Variants in TRPM5 observed in about 807,000 individuals in gnomAD.
TRPM5 encodes the protein MLSN1 and TRP-related.
TRPM5 carries 121 observed loss-of-function variants against 124.9 expected under a neutral mutation model. The observed-to-expected ratio is 0.97, with a 90% CI of 0.84 to 1.13. The LOEUF (loss-of-function observed/expected upper bound fraction) is 1.13, where lower values mean the gene tolerates loss of function less well. Among genes scored for constraint, TRPM5 ranks in the 50% most tolerant of loss-of-function variants. TRPM5 has a pLI of 0.00. For synonymous variants in TRPM5, 781 were observed against 700.5 expected, an observed-to-expected ratio of 1.11 and a Z score of -1.81; for missense variants, 1,643 against 1,589.1, an observed-to-expected ratio of 1.03 and a Z score of -0.58.
At chr11:2,406,256 G>A in intron 21 of TRPM5, 165 bp from the exon 27 acceptor site, 2 of 721,750 alleles carry the variant, frequency 2.8e-6, no homozygotes, top group Non-Finnish European at 2.4e-6. Context: ...ACCCCTCAAA[G>A]TGCACCTGGT....
the TRPM5 span, among the ~76,000 whole-genome samples, chr11:2,441,940 C>T: frequency 1.3e-5 from 2 of 152,106 alleles, no homozygotes; most frequent in African/African-American, 2.4e-5. This position sits in a 1 kb window ranked among gnomAD's most constrained non-coding sequence, Gnocchi z 7.2. Context: ...CAGCCTGCCT[C>T]GGCCTCCCAA....
intron 7 of TRPM5, 77 bp from the exon 13 acceptor site, chr11:2,416,101 G>T (rs553824475): frequency 1.5e-4 from 164 of 1,102,870 alleles, no homozygotes; most frequent in Admixed American, 1.2e-3. Flanking sequence ...GTCCCCAAAG[G>T]TGCGCTGCCT....
At chr11:2,442,112 C>T in the TRPM5 span, among the ~76,000 whole-genome samples, 861 of 152,280 alleles carry the variant, frequency 5.7e-3, 5 homozygotes, top group Non-Finnish European at 8.1e-3. This position sits in a 1 kb window ranked among gnomAD's most constrained non-coding sequence, Gnocchi z 5.9. Context: ...ATCATGAATG[C>T]ATGGGCTTTT....
At chr11:2,413,293 G>T (rs189104414) in intron 13 of TRPM5, 67 bp from the exon 19 acceptor site, 9 of 1,444,148 alleles carry the variant, frequency 6.2e-6, no homozygotes, top group Non-Finnish European at 7.4e-6. Context: ...GGCTCCAGGC[G>T]CTTGGCCATC....
At chr11:2,423,382 T>C (rs1003677921), upstream of TRPM5, among the ~76,000 whole-genome samples, 9 of 152,228 alleles carry the variant, frequency 5.9e-5, no homozygotes, top group Non-Finnish European at 1.2e-4. Context: ...CCTGCAGACA[T>C]TTCTCCAGAG....
exon 1 of TRPM5, chr11:2,422,943 C>G (rs1023893358): frequency 1.9e-6 from 3 of 1,613,376 alleles, no homozygotes; most frequent in East Asian, 2.2e-5. Context: ...TTCCCAGACC[C>G]TCCAAAGTTG....
Position 2,406,870 on chromosome 11 carries a change from C to A in TRPM5, c.3119-77G>T, listed in dbSNP as rs560541515. Reference sequence around the variant, plus strand: ...GCAGAGCCCAGGCCTGGTCCCGGGGCGAGGTGGGCCAGGCAGAAGGAGTGA... The same window carrying A: ...GCAGAGCCCAGGCCTGGTCCCGGGGAGAGGTGGGCCAGGCAGAAGGAGTGA... On this transcript the variant is annotated intron_variant, in intron 20 of 23. Coordinates refer to ENST00000155858, the Ensembl canonical transcript of TRPM5. The A allele has an allele frequency of 6.7e-4, 1,031 of 1,534,426 alleles. 5 individuals carry two copies. The highest frequency in any genetic ancestry group is 5.4e-4 in the Non-Finnish European group (618 of 1,142,760).
At chr11:2,425,799 GCCATGAC>G (rs1255583591), upstream of TRPM5, among the ~76,000 whole-genome samples, 1 of 152,184 alleles carries the variant, frequency 6.6e-6, no homozygotes, top group Non-Finnish European at 1.5e-5. Flanking sequence ...TTGGGGTTTG[GCCATGAC>G]CCTCAGCCTG....
intron 19 of TRPM5, 147 bp from the exon 25 acceptor site, chr11:2,407,447 A>AG (rs1850346893): frequency 2.5e-6 from 2 of 798,960 alleles, no homozygotes; most frequent in African/African-American, 3.5e-5. Context: ...GTGTGTCACG[A>AG]GGGGTCCACT....
At chr11:2,417,886 C>A in intron 6 of TRPM5, 57 bp from the exon 12 acceptor site, 1 of 1,487,250 alleles carries the variant, frequency 6.7e-7, no homozygotes, top group Non-Finnish European at 9.2e-7. Context: ...GGGGCAGAGG[C>A]AGGCCGTGGT....
upstream of TRPM5, among the ~76,000 whole-genome samples, chr11:2,425,444 G>A (rs577087380): frequency 4.6e-5 from 7 of 152,278 alleles, no homozygotes; most frequent in South Asian, 1.2e-3. Context: ...GCCCAGGCCC[G>A]CCCTACCCCA....
Position 2,414,066 on chromosome 11 carries a change from C to A in TRPM5, c.1885G>T (p.Val629Phe), listed in dbSNP as rs530691692. The A allele has an allele frequency of 2.8e-5, 40 of 1,416,174 alleles. No homozygotes were observed. In the South Asian group the frequency reaches 4.7e-4, roughly 17 times the overall value. 87.7% of individuals were successfully genotyped at this position (1,416,174 alleles called of 1,614,324 possible). Residue 629 changes from valine (V) to phenylalanine (F), a missense_variant, in exon 12 of 24, where the codon GTT becomes TTT. Physicochemically the swap from Val to Phe is conservative, Grantham distance 50. Transcript: ENST00000155858. ...CGAGGACAGCTGGCACTCACCTGAA[C>A]GCCGTCGTGGGCAAAGAAGGCCTTG...
chr11:2,410,221 C>CGG (rs1209236519), intron 18 of TRPM5, among the ~76,000 whole-genome samples: 3 of 152,220 alleles, frequency 2.0e-5, no homozygotes, highest in Admixed American at 2.0e-4. Context: ...GGAAATGAGC[C>CGG]GCGCTGGGAG....
At chr11:2,414,347 G>GC in intron 11 of TRPM5, 141 bp from the exon 17 acceptor site, 1 of 1,223,098 alleles carries the variant, frequency 8.2e-7, no homozygotes. Context: ...CAGGCCTTCT[G>GC]CCCCCTCCGG....
chr11:2,435,581 G>GTCCATCCATCCATCCA, the TRPM5 span, among the ~76,000 whole-genome samples: 1 of 149,994 alleles, frequency 6.7e-6, no homozygotes, highest in Non-Finnish European at 1.5e-5. The surrounding 1 kb of genome is among the most constrained non-coding windows in gnomAD (Gnocchi z 4.1). Context: ...CCATCTGTCT[G>GTCCATCCATCCATCCA]TCCATCCATC....
At chr11:2,410,630 GAGGC>G (rs2133507889) in intron 18 of TRPM5, 6 of 448,374 alleles carry the variant, frequency 1.3e-5, no homozygotes, top group South Asian at 9.5e-5. Flanking sequence ...CATCACTACA[GAGGC>G]CCCCATGGCC....
intron 6 of TRPM5, 56 bp downstream of exon 11, chr11:2,418,111 A>C: frequency 6.9e-7 from 1 of 1,451,912 alleles, no homozygotes. Context: ...CTCCCAGAGG[A>C]CCAGCCCCAC....
intron 16 of TRPM5, 141 bp from the exon 22 acceptor site, chr11:2,411,908 A>C (rs1010587326): frequency 9.0e-7 from 1 of 1,109,682 alleles, no homozygotes; most frequent in Non-Finnish European, 1.3e-6. Context: ...TCTTTTGTTT[A>C]TTTATTTTTA....
At chr11:2,409,279 T>TG (rs900657766) in intron 18 of TRPM5, among the ~76,000 whole-genome samples, 1 of 152,094 alleles carries the variant, frequency 6.6e-6, no homozygotes, top group Non-Finnish European at 1.5e-5. Context: ...GGCAGACTGA[T>TG]GACCCCCTCT....
Sources: gnomAD v4.1 joint callset for allele counts (sites outside exome capture counted in the v4.1 genomes callset) on GRCh38, gnomAD v4.1.1 for gene constraint, Gnocchi (gnomAD v3.1) non-coding constraint, MANE v1.5 for transcripts, NCBI Gene and HGNC (gene_info 2026-07-23, HGNC 2026-07-21) for gene names.